SLC5A4: variants seen among roughly 807,000 people sequenced by gnomAD.
The protein encoded by SLC5A4 is probable glucose sensor protein SLC5A4.
A neutral mutation model predicts 70.3 loss-of-function variants in SLC5A4; 55 were observed. The ratio of observed to expected loss-of-function variants is 0.78; its 90% CI spans 0.63 to 0.98. The LOEUF (loss-of-function observed/expected upper bound fraction) is 0.98, where lower values mean the gene tolerates loss of function less well. SLC5A4 is among the 50% of genes least tolerant of loss of function. The pLI is 0.00. For synonymous variants in SLC5A4, 268 were observed against 305.7 expected (o/e 0.88, Z 1.29); for missense variants, 735 against 839.2 (o/e 0.88, Z 1.53).
At chr22:32,299,983 G>C in the SLC5A4 span, among the ~76,000 whole-genome samples, 5 of 133,038 alleles carry the variant, frequency 3.8e-5, no homozygotes, top group Non-Finnish European at 8.2e-5. Flanking sequence ...CAGGGGTCAG[G>C]GACCCACTTG....
chr22:32,222,623 G>A (rs111512083), intron 13 of SLC5A4, among the ~76,000 whole-genome samples: 18 of 152,180 alleles, frequency 1.2e-4, no homozygotes, highest in African/African-American at 4.1e-4. Context: ...GTTTTCTAGT[G>A]TTCTTTCATC....
At chr22:32,348,036 A>G in the SLC5A4 span, among the ~76,000 whole-genome samples, 3 of 152,142 alleles carry the variant, frequency 2.0e-5, no homozygotes, top group African/African-American at 7.2e-5. Flanking sequence ...GATACTTCAC[A>G]TGGGGATAAT....
At chr22:32,282,624 C>T in the SLC5A4 span, among the ~76,000 whole-genome samples, 1 of 152,180 alleles carries the variant, frequency 6.6e-6, no homozygotes, top group Non-Finnish European at 1.5e-5. Context: ...CCAGCCTGGA[C>T]CTCTGTCCTG....
the SLC5A4 span, among the ~76,000 whole-genome samples, chr22:32,300,358 G>A: frequency 4.1e-4 from 63 of 151,860 alleles, no homozygotes; most frequent in East Asian, 7.2e-3. Context: ...ATATAATCTC[G>A]TGGTGCACCG....
Position 32,229,346 on chromosome 22 carries a change from TG to T in SLC5A4, c.1130-3del. ...CCGAAAGCATCAGGCCTCGCAGTCC[TG>T]GAGCCGGGAAAGGGTACAAGCACTG... is the stretch of plus-strand genomic sequence containing the variant. On this transcript the variant is annotated splice_region_variant and splice_polypyrimidine_tract_variant and intron_variant, in intron 10 of 14. Transcript: ENST00000266086. The T allele has an allele frequency of 5.6e-6, 9 of 1,613,966 alleles. No homozygotes were observed. The highest frequency in any genetic ancestry group is 7.6e-6 in the Non-Finnish European group (9 of 1,179,862).
intron 14 of SLC5A4, among the ~76,000 whole-genome samples, chr22:32,220,468 A>G (rs1465546311): frequency 6.6e-6 from 1 of 152,220 alleles, no homozygotes; most frequent in Non-Finnish European, 1.5e-5. Flanking sequence ...GTTTTAAAGA[A>G]TAAGCATTTT....
At chr22:32,322,745 G>A in the SLC5A4 span, among the ~76,000 whole-genome samples, 1 of 152,190 alleles carries the variant, frequency 6.6e-6, no homozygotes, top group African/African-American at 2.4e-5. Flanking sequence ...TGGCATGGCT[G>A]TGTGTGGGGA....
At chr22:32,303,459 G>A in the SLC5A4 span, among the ~76,000 whole-genome samples, 1 of 152,170 alleles carries the variant, frequency 6.6e-6, no homozygotes, top group Admixed American at 6.5e-5. Context: ...TGAAACAATA[G>A]GTCAGAGGAA....
the SLC5A4 span, among the ~76,000 whole-genome samples, chr22:32,353,476 C>T: frequency 6.6e-6 from 1 of 152,034 alleles, no homozygotes; most frequent in African/African-American, 2.4e-5. Flanking sequence ...GCTGTGCATC[C>T]GCCGCGCTCC....
At chr22:32,262,359 C>T in the SLC5A4 span, among the ~76,000 whole-genome samples, 1 of 152,148 alleles carries the variant, frequency 6.6e-6, no homozygotes. Flanking sequence ...CAGCCACAGC[C>T]ACAGCCACAG....
At chr22:32,228,895 A>G (rs1569368266) in intron 11 of SLC5A4, among the ~76,000 whole-genome samples, 1 of 152,220 alleles carries the variant, frequency 6.6e-6, no homozygotes, top group Admixed American at 6.5e-5. Context: ...TTTACACCCT[A>G]TTAAAATACT....
At chr22:32,248,490 C>G (rs62241060) in intron 4 of SLC5A4, among the ~76,000 whole-genome samples, 1 of 152,110 alleles carries the variant, frequency 6.6e-6, no homozygotes, top group Non-Finnish European at 1.5e-5. Flanking sequence ...TCCTGTTGAC[C>G]GACTTCTCTT....
the SLC5A4 span, chr22:32,269,669 A>G: frequency 1.7e-6 from 1 of 595,164 alleles, no homozygotes. This position sits in a 1 kb window ranked among gnomAD's most constrained non-coding sequence, Gnocchi z 4.1. Flanking sequence ...GCTCGCTGTT[A>G]TACCTGAACC....
chr22:32,289,509 C>G, the SLC5A4 span, among the ~76,000 whole-genome samples: 2 of 152,164 alleles, frequency 1.3e-5, no homozygotes, highest in Non-Finnish European at 1.5e-5. Context: ...TCATTTGAGA[C>G]GGAGTTTCGC....
At chr22:32,327,748 C>T in the SLC5A4 span, among the ~76,000 whole-genome samples, 1 of 81,548 alleles carries the variant, frequency 1.2e-5, no homozygotes, top group Non-Finnish European at 2.5e-5. Context: ...GTTTGGGACA[C>T]AGTTGGGAGT....
the SLC5A4 span, among the ~76,000 whole-genome samples, chr22:32,269,060 T>C: frequency 6.6e-5 from 10 of 152,240 alleles, no homozygotes; most frequent in South Asian, 1.7e-3. This position sits in a 1 kb window ranked among gnomAD's most constrained non-coding sequence, Gnocchi z 4.1. Context: ...ACCGGGCTAA[T>C]TTTTATATTT....
chr22:32,324,709 G>A, the SLC5A4 span, among the ~76,000 whole-genome samples: 1 of 152,140 alleles, frequency 6.6e-6, no homozygotes, highest in Non-Finnish European at 1.5e-5. Context: ...TCCCAGCTCT[G>A]CCCCTCACAA....
At chr22:32,352,221 G>T in the SLC5A4 span, among the ~76,000 whole-genome samples, 155 of 141,422 alleles carry the variant, frequency 1.1e-3, 1 homozygote, top group African/African-American at 3.9e-3. Flanking sequence ...TGAACAATGA[G>T]AACACTTGTA....
At chr22:32,290,402 G>A in the SLC5A4 span, among the ~76,000 whole-genome samples, 1 of 152,024 alleles carries the variant, frequency 6.6e-6, no homozygotes, top group Non-Finnish European at 1.5e-5. Context: ...CTTCATCCTT[G>A]TCCCTGGGGT....
Sources: allele counts gnomAD v4.1 joint callset (sites outside exome capture counted in the v4.1 genomes callset), GRCh38; gene constraint gnomAD v4.1.1; non-coding constraint Gnocchi (gnomAD v3.1); transcripts MANE v1.5; gene names NCBI Gene and HGNC (gene_info 2026-07-23, HGNC 2026-07-21).